Variants in ICA1 observed in about 807,000 individuals in gnomAD.
ICA1 encodes the protein 69 kDa islet cell autoantigen.
ICA1 carries 40 observed loss-of-function variants against 71.0 expected under a neutral mutation model. That is an observed-to-expected ratio of 0.56 (90% confidence interval 0.44 to 0.73). The LOEUF is 0.73. Ranked by LOEUF, ICA1 falls within the 30% of genes least tolerant of loss-of-function variation. The pLI, the probability that ICA1 is intolerant of heterozygous loss-of-function variation, is 0.00. For synonymous variants in ICA1, 207 were observed against 209.5 expected, an observed-to-expected ratio of 0.99 and a Z score of 0.10; for missense variants, 578 against 576.5, an observed-to-expected ratio of 1.00 and a Z score of -0.03.
chr7:8,150,360 T>C (rs1314718189), intron 8 of ICA1, among the ~76,000 whole-genome samples: 1 of 152,348 alleles, frequency 6.6e-6, no homozygotes, highest in Admixed American at 6.5e-5. Context: ...TCAATGACTT[T>C]TAAAGTTCTA....
chr7:8,261,725 C>T (rs1220504060), intron 1 of ICA1, among the ~76,000 whole-genome samples: 1 of 150,602 alleles, frequency 6.6e-6, no homozygotes, highest in Admixed American at 6.6e-5. Flanking sequence ...GGGGCCGGAG[C>T]CGCCGGGAAG....
chr7:8,163,413 A>G (rs1038681458), intron 6 of ICA1, among the ~76,000 whole-genome samples: 1 of 152,236 alleles, frequency 6.6e-6, no homozygotes, highest in Admixed American at 6.5e-5. Context: ...ATCTTCTTAT[A>G]GGAGATAGCT....
chr7:8,167,386 T>G (rs1806419013), intron 6 of ICA1, among the ~76,000 whole-genome samples: 1 of 152,046 alleles, frequency 6.6e-6, no homozygotes, highest in Admixed American at 6.6e-5. Flanking sequence ...GAAAAACAAA[T>G]ACTGCATGTT....
At chr7:8,169,771 T>C (rs148306796) in intron 6 of ICA1, among the ~76,000 whole-genome samples, 33 of 152,204 alleles carry the variant, frequency 2.2e-4, no homozygotes, top group African/African-American at 7.5e-4. Flanking sequence ...TTTGAAAACA[T>C]TTTCTTTAAG....
chr7:8,182,831 C>T (rs910456094), intron 6 of ICA1, among the ~76,000 whole-genome samples: 4 of 152,082 alleles, frequency 2.6e-5, no homozygotes, highest in African/African-American at 7.2e-5. Flanking sequence ...AAAGAAAACC[C>T]ACTGTCACTG....
chr7:8,209,618 A>G (rs1293544867), intron 6 of ICA1, among the ~76,000 whole-genome samples: 2 of 152,202 alleles, frequency 1.3e-5, no homozygotes, highest in African/African-American at 4.8e-5. Context: ...CTATTTATTT[A>G]CCTATTTGCT....
At chr7:8,180,837 CT>C (rs571384468) in intron 6 of ICA1, among the ~76,000 whole-genome samples, 292 of 143,584 alleles carry the variant, frequency 2.0e-3, no homozygotes, top group Non-Finnish European at 2.1e-3. Context: ...GTCTCTCTCT[CT>C]TTTTTTTTTT....
intron 6 of ICA1, among the ~76,000 whole-genome samples, chr7:8,169,249 T>A (rs1280606202): frequency 4.6e-5 from 7 of 152,148 alleles, no homozygotes; most frequent in Admixed American, 1.3e-4. Flanking sequence ...ATACTGTTAC[T>A]TGTACATCAA....
rs149045254 is a variant in ICA1 at position 8,138,444 on chromosome 7, G to A, written c.1060+396C>T. On this transcript the variant is annotated intron_variant, in intron 12 of 13. Coordinates refer to ENST00000402384, the MANE Select transcript of ICA1 (RefSeq NM_001136020.3). ...ATAACCCACCAAGGCCGTTGCTATT[G>A]TTTCCATTTTACAAATGAGAATAAC... Among the ~76,000 whole-genome samples, 28 of 152,216 alleles carry A rather than the reference G, an allele frequency of 1.8e-4. No individual in the cohort carries two copies. The East Asian group carries it at 5.4e-3, about 29-fold the overall frequency.
intron 13 of ICA1, among the ~76,000 whole-genome samples, chr7:8,119,222 C>T (rs1785844739): frequency 6.6e-6 from 1 of 152,168 alleles, no homozygotes; most frequent in African/African-American, 2.4e-5. Flanking sequence ...GGGCCAGGAG[C>T]TTCCAGAGAG....
chr7:8,152,804 CA>C (rs1799817507), intron 8 of ICA1, among the ~76,000 whole-genome samples: 1 of 151,930 alleles, frequency 6.6e-6, no homozygotes, highest in Admixed American at 6.6e-5. Flanking sequence ...CCTCCACCAC[CA>C]CCACCACCAT....
intron 6 of ICA1, among the ~76,000 whole-genome samples, chr7:8,174,774 A>C (rs1286537142): frequency 2.0e-5 from 3 of 149,664 alleles, no homozygotes; most frequent in Non-Finnish European, 3.0e-5. Flanking sequence ...AAAAAAAAAA[A>C]AAAAACAGAG....
At chr7:8,189,565 CTTCT>C (rs772824169) in intron 6 of ICA1, among the ~76,000 whole-genome samples, 28 of 152,140 alleles carry the variant, frequency 1.8e-4, no homozygotes, top group Non-Finnish European at 2.8e-4. Flanking sequence ...GTTTTTTCTT[CTTCT>C]TTTTTTTAAA....
intron 6 of ICA1, among the ~76,000 whole-genome samples, chr7:8,200,529 G>A (rs1391296930): frequency 6.6e-6 from 1 of 152,038 alleles, no homozygotes; most frequent in Non-Finnish European, 1.5e-5. Flanking sequence ...AATCATGAAG[G>A]GCACGGACAT....
Position 8,123,558 on chromosome 7 carries a change from G to A in ICA1, c.1330+4315C>T, listed in dbSNP as rs564573761. On this transcript the variant is annotated intron_variant, in intron 13 of 13. Transcript: ENST00000402384. This position sits in a 1 kb window ranked among gnomAD's most constrained non-coding sequence, Gnocchi z 4.1. ...TGTGCCAGAGCGAATGTAGCTGCTGGCACACAGGAACAAGATTTCCTAGGA... is the reference window on the plus strand; with the variant it reads ...TGTGCCAGAGCGAATGTAGCTGCTGACACACAGGAACAAGATTTCCTAGGA... Among the ~76,000 whole-genome samples the A allele has an allele frequency of 2.6e-5, 4 of 152,162 alleles. No homozygotes were observed. Among genetic ancestry groups the A allele is most frequent in the Non-Finnish European group, 5.9e-5 (4 of 68,032 alleles).
At chr7:8,197,870 T>G (rs554655873) in intron 6 of ICA1, among the ~76,000 whole-genome samples, 11 of 152,162 alleles carry the variant, frequency 7.2e-5, no homozygotes, top group African/African-American at 2.6e-4. Flanking sequence ...ACTCTCAAAG[T>G]TTTATGAACT....
At chr7:8,212,127 T>A (rs988436799) in intron 6 of ICA1, among the ~76,000 whole-genome samples, 4 of 152,164 alleles carry the variant, frequency 2.6e-5, no homozygotes, top group African/African-American at 9.7e-5. Context: ...AGGCTAAGAT[T>A]AGAGCAACAG....
intron 8 of ICA1, among the ~76,000 whole-genome samples, chr7:8,151,193 C>T (rs1396677197): frequency 2.0e-5 from 3 of 152,218 alleles, no homozygotes; most frequent in African/African-American, 4.8e-5. Context: ...AACCTACCCA[C>T]ACAATAGTAA....
chr7:8,221,548 C>G (rs530898071), intron 4 of ICA1, 150 bp from the exon 5 acceptor site: 4 of 787,692 alleles, frequency 5.1e-6, no homozygotes, highest in Non-Finnish European at 8.0e-6. Flanking sequence ...GTAAGCTCCC[C>G]CTACCCCCCA....
Sources: gnomAD v4.1 joint callset for allele counts (sites outside exome capture counted in the v4.1 genomes callset) on GRCh38, gnomAD v4.1.1 for gene constraint, Gnocchi (gnomAD v3.1) non-coding constraint, MANE v1.5 for transcripts, NCBI Gene and HGNC (gene_info 2026-07-23, HGNC 2026-07-21) for gene names.